Variants in FBN2 observed in about 807,000 individuals in gnomAD.
FBN2 encodes the protein fibrillin 2.
In FBN2, 105 loss-of-function variants were observed where a neutral mutation model predicts 355.6. The ratio of observed to expected loss-of-function variants is 0.30; its 90% CI spans 0.25 to 0.35. The LOEUF is 0.35. FBN2 is among the 10% of genes least tolerant of loss of function. The probability of loss-of-function intolerance (pLI) is 1.00; values close to 1 mark genes in which losing one functional copy is unlikely to be tolerated. For missense variants in FBN2, 3,280 were observed against 3,758.7 expected (o/e 0.87, Z 3.33); for synonymous variants, 1,350 against 1,301.2 (o/e 1.04, Z -0.81).
chr5:128,299,417 C>T (rs1222393176), intron 48 of FBN2, among the ~76,000 whole-genome samples: 3 of 141,568 alleles, frequency 2.1e-5, no homozygotes, highest in East Asian at 4.2e-4. Context: ...CAATGGTGGG[C>T]GCCCCTCCCC....
chr5:128,524,530 T>C (rs563954673), intron 4 of FBN2, among the ~76,000 whole-genome samples: 2 of 152,336 alleles, frequency 1.3e-5, no homozygotes, highest in Admixed American at 1.3e-4. Context: ...TAAGAAGTGC[T>C]GTCTGTTTCC....
rs1342452900 is a variant in FBN2, at chr5:128,302,974, C to A, written c.5916G>T (p.Leu1972=). Residue 1972 remains leucine, a splice_region_variant and synonymous_variant, in exon 46 of 65, where the codon CTG becomes CTT. Coordinates refer to ENST00000262464, the MANE Select transcript of FBN2 (RefSeq NM_001999.4). ...TAAAGGACTGAATGAAGTACTTACC[C>A]AGGCAATCATTATTATGAGTGAGTT... ...GFELTHNNDC[L]DIDECSSFFG... is the part of the protein sequence containing the mutation. 1 of 1,471,980 alleles carries A rather than the reference C, an allele frequency of 6.8e-7. No homozygotes were observed. The highest frequency in any genetic ancestry group is 9.5e-7 in the Non-Finnish European group (1 of 1,050,486). 91.2% of individuals were successfully genotyped at this position (1,471,980 alleles called of 1,614,324 possible). A position where few individuals can be genotyped will look rare whatever the true frequency, so the allele number is the denominator to read the frequency against.
chr5:128,373,189 T>C (rs1312701993), intron 15 of FBN2, among the ~76,000 whole-genome samples: 1 of 152,218 alleles, frequency 6.6e-6, no homozygotes, highest in Non-Finnish European at 1.5e-5. Context: ...ACTCGCATGT[T>C]GGTTACTTAA....
At chr5:128,397,952 T>C (rs558216128) in intron 8 of FBN2, among the ~76,000 whole-genome samples, 6 of 152,166 alleles carry the variant, frequency 3.9e-5, no homozygotes, top group East Asian at 1.9e-4. Context: ...ATATAGTATA[T>C]GGATAAGGTA....
chr5:128,330,730 A>G (rs1750671092), intron 32 of FBN2, 35 bp from the exon 33 acceptor site: 6 of 1,612,344 alleles, frequency 3.7e-6, no homozygotes, highest in Non-Finnish European at 5.1e-6. Flanking sequence ...AGAAATGAAA[A>G]TGGAACATTT....
intron 44 of FBN2, 111 bp from the exon 45 acceptor site, chr5:128,305,193 A>C: frequency 1.0e-6 from 1 of 981,966 alleles, no homozygotes; most frequent in Non-Finnish European, 1.6e-6. Context: ...GCAGGCTGAA[A>C]ATGAACCATA....
chr5:128,425,230 G>A (rs1038741807), intron 7 of FBN2, among the ~76,000 whole-genome samples: 5 of 151,950 alleles, frequency 3.3e-5, no homozygotes, highest in Non-Finnish European at 7.4e-5. Context: ...CTTTACAGGG[G>A]AATATTTTTT....
chr5:128,339,542 A>G (rs1750940426), intron 25 of FBN2, among the ~76,000 whole-genome samples: 1 of 152,130 alleles, frequency 6.6e-6, no homozygotes, highest in African/African-American at 2.4e-5. Flanking sequence ...TGATGGCACC[A>G]CTGTACTCCA....
chr5:128,529,601 A>AGAAACT (rs1756653175), intron 3 of FBN2, among the ~76,000 whole-genome samples: 1 of 152,214 alleles, frequency 6.6e-6, no homozygotes, highest in Non-Finnish European at 1.5e-5. Context: ...AGAGGAATTA[A>AGAAACT]GAAACTGAAT....
chr5:128,449,498 T>G (rs1311531331), intron 6 of FBN2, among the ~76,000 whole-genome samples: 1 of 148,212 alleles, frequency 6.7e-6, no homozygotes. Context: ...AATATTATAC[T>G]ATTTGAAAAT....
At chr5:128,345,847 T>C (rs951592654) in intron 23 of FBN2, among the ~76,000 whole-genome samples, 3 of 152,226 alleles carry the variant, frequency 2.0e-5, no homozygotes, top group Non-Finnish European at 4.4e-5. Context: ...GCTTCATGTC[T>C]ATTACTCCTT....
intron 10 of FBN2, 38 bp from the exon 11 acceptor site, chr5:128,392,193 C>A: frequency 3.8e-6 from 6 of 1,576,116 alleles, no homozygotes; most frequent in Non-Finnish European, 5.2e-6. Flanking sequence ...TTAATCATTA[C>A]AACATGCATT....
chr5:128,525,056 C>A (rs6595835), intron 4 of FBN2, among the ~76,000 whole-genome samples: 9 of 151,932 alleles, frequency 5.9e-5, no homozygotes, highest in South Asian at 2.1e-4. Context: ...CCCACTAGAG[C>A]GTGTTCTGTA....
chr5:128,293,309 T>C (rs1296862540), intron 48 of FBN2, among the ~76,000 whole-genome samples: 3 of 152,136 alleles, frequency 2.0e-5, no homozygotes, highest in African/African-American at 4.8e-5. Flanking sequence ...CTGGCCAACA[T>C]GGTGAAACAC....
intron 5 of FBN2, among the ~76,000 whole-genome samples, chr5:128,510,309 T>C (rs1296141814): frequency 6.6e-6 from 1 of 152,214 alleles, no homozygotes; most frequent in Non-Finnish European, 1.5e-5. Flanking sequence ...CGAATTTGTG[T>C]TGGGCTGCAT....
intron 62 of FBN2, among the ~76,000 whole-genome samples, chr5:128,264,059 G>C (rs1765053760): frequency 6.6e-6 from 1 of 152,106 alleles, no homozygotes; most frequent in East Asian, 1.9e-4. Flanking sequence ...GACCGCTCTT[G>C]GGTATGGTGT....
chr5:128,448,631 C>A lies in FBN2; in HGVS notation c.827-2025G>T, dbSNP rs1754139889. Among the ~76,000 whole-genome samples the A allele has an allele frequency of 2.0e-5, 3 of 151,930 alleles. No homozygotes were observed. The South Asian group carries it at 6.2e-4, about 32-fold the overall frequency. ...GCCTGGCCTCCAATATCCTAATTGT[C>A]TTGTATTGTAAAGGAATATTGTAAT... is the stretch of plus-strand genomic sequence containing the variant. On this transcript the variant is annotated intron_variant, in intron 6 of 64. Coordinates refer to ENST00000262464, the MANE Select transcript of FBN2 (RefSeq NM_001999.4).
intron 11 of FBN2, among the ~76,000 whole-genome samples, chr5:128,385,029 T>C (rs780581676): frequency 6.6e-6 from 1 of 152,160 alleles, no homozygotes; most frequent in Non-Finnish European, 1.5e-5. Flanking sequence ...TGGAGAAAGA[T>C]ATGTTTTACA....
Position 128,278,000 on chromosome 5 carries a change from C to T in FBN2, c.7351G>A (p.Asp2451Asn), listed in dbSNP as rs1765438185. ...AGGTTTGGCATTACCTTACATTCATCAATATCTGTGGACCAAAACAACAAA... is the reference window on the plus strand; with the variant it reads ...AGGTTTGGCATTACCTTACATTCATTAATATCTGTGGACCAAAACAACAAA... ...PGYTTDGRDI[D>N]ECKVMPNLCT... The change falls in exon 58 of 65, where the codon GAT (aspartate) becomes AAT (asparagine). Residue 2451 changes from aspartate (D) to asparagine (N), a missense_variant. Transcript: ENST00000262464. 1 of 1,614,034 alleles carries T rather than the reference C, an allele frequency of 6.2e-7. No individual in the cohort carries two copies. Among genetic ancestry groups the T allele is most frequent in the South Asian group, 1.1e-5 (1 of 91,080 alleles).
Sources: gnomAD v4.1 joint callset for allele counts (sites outside exome capture counted in the v4.1 genomes callset) on GRCh38, gnomAD v4.1.1 for gene constraint, MANE v1.5 for transcripts, NCBI Gene and HGNC (gene_info 2026-07-23, HGNC 2026-07-21) for gene names.